Variants in YWHAE observed in about 807,000 individuals in gnomAD.
YWHAE encodes tyrosine 3-monooxygenase/tryptophan 5-monooxygenase activation protein epsilon.
A neutral mutation model predicts 30.1 loss-of-function variants in YWHAE; 4 were observed. The ratio of observed to expected loss-of-function variants is 0.13; its 90% CI spans 0.07 to 0.30. The LOEUF (loss-of-function observed/expected upper bound fraction) is 0.30. Ranked by LOEUF, YWHAE falls within the 10% of genes least tolerant of loss-of-function variation. YWHAE has a pLI of 1.00. For synonymous variants in YWHAE, 118 were observed against 111.8 expected (o/e 1.06, Z -0.35); for missense variants, 121 against 315.9 (o/e 0.38, Z 4.68).
chr17:1,378,105 T>G (rs16945593), intron 1 of YWHAE, among the ~76,000 whole-genome samples: 75,111 of 152,110 alleles, frequency 0.49, 19,930 homozygotes, highest in African/African-American at 0.68. Flanking sequence ...TGCAAGTTTG[T>G]TGGAGAGAAA....
intron 1 of YWHAE, among the ~76,000 whole-genome samples, chr17:1,382,501 C>T (rs530035710): frequency 6.6e-6 from 1 of 151,604 alleles, no homozygotes; most frequent in Non-Finnish European, 1.5e-5. Context: ...GGACTACAGG[C>T]GCCCACCACC....
chr17:1,361,124 G>A lies in YWHAE; in HGVS notation c.546C>T (p.Tyr182=), dbSNP rs188401173. ...CACGGTCAGGGGAATTAAGAATTTC[G>A]TAGTAGAATACGGAAAAATTGAGAG... ...GLALNFSVFY[Y]EILNSPDRAC... Residue 182 remains tyrosine (Y), a synonymous_variant, in exon 4 of 6, where the codon TAC becomes TAT. Coordinates refer to ENST00000264335, the MANE Select transcript of YWHAE (RefSeq NM_006761.5). 498 of 1,613,996 alleles carry A rather than the reference G, an allele frequency of 3.1e-4. No individual in the cohort carries two copies. The highest frequency in any genetic ancestry group is 1.5e-3 in the Middle Eastern group (9 of 6,062).
chr17:1,353,190 G>C (rs1157569432), intron 5 of YWHAE, among the ~76,000 whole-genome samples: 1 of 152,124 alleles, frequency 6.6e-6, no homozygotes, highest in Admixed American at 6.6e-5. Context: ...TGTAATCCCA[G>C]CACTTTGGGA....
At chr17:1,384,384 G>C (rs1263385237) in intron 1 of YWHAE, among the ~76,000 whole-genome samples, 1 of 151,114 alleles carries the variant, frequency 6.6e-6, no homozygotes, top group Non-Finnish European at 1.5e-5. Flanking sequence ...AACATTAAGA[G>C]TACACATGTA....
At chr17:1,399,115 A>T (rs2073521935) in intron 1 of YWHAE, 1 of 152,160 alleles carries the variant, frequency 6.6e-6, no homozygotes, top group Non-Finnish European at 1.5e-5. Flanking sequence ...CAAACTGTAA[A>T]GTCATCGTTT....
chr17:1,347,940 C>T, intron 5 of YWHAE: 3 of 1,007,840 alleles, frequency 3.0e-6, no homozygotes, highest in Non-Finnish European at 3.6e-6. Flanking sequence ...GCGGAATTCA[C>T]TGTGCCATGA....
chr17:1,393,838 G>A (rs1300706356), intron 1 of YWHAE, among the ~76,000 whole-genome samples: 1 of 152,112 alleles, frequency 6.6e-6, no homozygotes, highest in African/African-American at 2.4e-5. Flanking sequence ...AACATTCTGA[G>A]AGTACCTAAA....
chr17:1,359,882 AGAGGGAGAGGGAGACGGG>A (rs1567962474), intron 4 of YWHAE, among the ~76,000 whole-genome samples: 1 of 116,874 alleles, frequency 8.6e-6, no homozygotes, highest in Non-Finnish European at 1.7e-5. Context: ...CGCCCAGGCG[AGAGGGAGAGGGAGACGGG>A]GAGAGAGAGG....
chr17:1,361,343 G>A (rs769488350), intron 3 of YWHAE, 45 bp from the exon 4 acceptor site: 1 of 1,442,764 alleles, frequency 6.9e-7, no homozygotes, highest in Non-Finnish European at 9.4e-7. Context: ...ATTTAAACTA[G>A]GAACGATTTT....
intron 1 of YWHAE, among the ~76,000 whole-genome samples, chr17:1,388,106 T>G (rs1304181339): frequency 4.3e-5 from 2 of 46,598 alleles, no homozygotes; most frequent in African/African-American, 2.6e-4. Context: ...TTTTTGTTTT[T>G]TTTTTTGGTT....
At chr17:1,391,939 A>G (rs1164463334) in intron 1 of YWHAE, among the ~76,000 whole-genome samples, 1 of 152,152 alleles carries the variant, frequency 6.6e-6, no homozygotes, top group African/African-American at 2.4e-5. Context: ...TTTTTTTGCC[A>G]GCCATGGTGG....
intron 4 of YWHAE, among the ~76,000 whole-genome samples, chr17:1,356,958 CA>C (rs34819954): frequency 1.4e-5 from 2 of 146,322 alleles, no homozygotes; most frequent in East Asian, 4.1e-4. Context: ...TCAAACAAAC[CA>C]AAAAAAAACA....
At chr17:1,347,886 G>A in intron 5 of YWHAE, 1 of 868,612 alleles carries the variant, frequency 1.2e-6, no homozygotes, top group African/African-American at 1.8e-5. Context: ...TAAGCAACAG[G>A]ACGATCATAC....
intron 1 of YWHAE, among the ~76,000 whole-genome samples, chr17:1,375,106 A>G (rs1395268576): frequency 6.6e-6 from 1 of 152,186 alleles, no homozygotes; most frequent in Non-Finnish European, 1.5e-5. Context: ...AAGAGTATGG[A>G]AAGTCAACTT....
intron 4 of YWHAE, among the ~76,000 whole-genome samples, chr17:1,356,217 A>ACACAC (rs1555639587): frequency 6.5e-5 from 6 of 92,336 alleles, no homozygotes; most frequent in East Asian, 4.1e-4. Context: ...CACACACACA[A>ACACAC]AATTAGCCGG....
chr17:1,383,378 A>G (rs1050949004), intron 1 of YWHAE, among the ~76,000 whole-genome samples: 1 of 143,146 alleles, frequency 7.0e-6, no homozygotes, highest in Admixed American at 7.6e-5. Context: ...ACTATTTCAC[A>G]TACTGTTTAA....
rs561933064 is a variant in YWHAE, at chr17:1,376,843, C to A, written c.65-11785G>T. Among the ~76,000 whole-genome samples the A allele has an allele frequency of 6.6e-5, 10 of 152,102 alleles. 1 individual carries two copies. In the East Asian group the frequency reaches 1.9e-3, roughly 29 times the overall value. ...AGGAAAAAAGCAAACTGTTCAGAAT[C>A]TGCCATGGGAAAAACGAGCAGGTTC... On this transcript the variant is annotated intron_variant, in intron 1 of 5. Transcript: ENST00000264335.
intron 1 of YWHAE, among the ~76,000 whole-genome samples, chr17:1,384,507 C>A (rs542838879): frequency 1.4e-5 from 2 of 143,102 alleles, no homozygotes; most frequent in South Asian, 4.7e-4. Flanking sequence ...CTGGCTAACA[C>A]GGTGAAACCC....
Position 1,350,387 on chromosome 17 carries a change from G to A in YWHAE, c.715+3824C>T, listed in dbSNP as rs143810820. On this transcript the variant is annotated intron_variant, in intron 5 of 5. Transcript: ENST00000264335. ...TCAACTCTTGGTTATCAGTGATAAT[G>A]AGCTACAGAAGTAATCCAGACTTGG... 6.1e-3 allele frequency among the ~76,000 whole-genome samples: 935 copies of A among 152,266 alleles called. 9 individuals carry two copies. The highest frequency in any genetic ancestry group is 0.021 in the African/African-American group (862 of 41,564).
Sources: allele counts gnomAD v4.1 joint callset (sites outside exome capture counted in the v4.1 genomes callset), GRCh38; gene constraint gnomAD v4.1.1; transcripts MANE v1.5; gene names NCBI Gene and HGNC (gene_info 2026-07-23, HGNC 2026-07-21).